Variants in DCT observed in about 807,000 individuals in gnomAD.
DCT encodes the protein dopachrome tautomerase.
In DCT, 47 loss-of-function variants were observed where a neutral mutation model predicts 53.0. That is an observed-to-expected ratio of 0.89 (90% CI 0.70 to 1.13). DCT has a LOEUF of 1.13. Among genes scored for constraint, DCT ranks in the 50% most tolerant of loss-of-function variants. DCT has a pLI of 0.00. For missense variants in DCT, 669 were observed against 637.4 expected (o/e 1.05, Z -0.53); for synonymous variants, 244 against 237.0 (o/e 1.03, Z -0.27).
the DCT span, among the ~76,000 whole-genome samples, chr13:94,519,591 G>A: frequency 1.3e-5 from 2 of 152,200 alleles, no homozygotes; most frequent in Admixed American, 1.3e-4. Context: ...GGTTTGCACT[G>A]CACAAGGAAA....
In DCT at chr13:94,438,630, T is replaced by C. The variant is rs1882061712; in HGVS notation, c.*1268A>G. ...TGCACAGAAACCAGATATGAGCAGA[T>C]GAAATTTGCCTGGAAATCTCAAGAG... On this transcript the variant is annotated 3_prime_UTR_variant, in exon 8 of 8. Coordinates refer to ENST00000377028, the MANE Select transcript of DCT (RefSeq NM_001922.5). 2.2e-6 allele frequency: 1 copy of C among 455,972 alleles called. No homozygotes were observed. Among genetic ancestry groups the C allele is most frequent in the Non-Finnish European group, 4.4e-6 (1 of 226,766 alleles). 28.2% of individuals were successfully genotyped at this position (455,972 alleles called of 1,614,324 possible). A position where few individuals can be genotyped will look rare whatever the true frequency, so the allele number is the denominator to read the frequency against.
At chr13:94,456,048 A>C (rs1421989254) in intron 6 of DCT, among the ~76,000 whole-genome samples, 1 of 152,192 alleles carries the variant, frequency 6.6e-6, no homozygotes, top group African/African-American at 2.4e-5. Flanking sequence ...AGCCAGAAAA[A>C]ATGATGTGAA....
At chr13:94,471,804 A>C (rs1313688045) in intron 1 of DCT, among the ~76,000 whole-genome samples, 5 of 152,222 alleles carry the variant, frequency 3.3e-5, no homozygotes, top group African/African-American at 1.2e-4. Context: ...ACTTCTCTGC[A>C]GTAGAAGAGT....
chr13:94,538,252 C>T, the DCT span, among the ~76,000 whole-genome samples: 1 of 152,160 alleles, frequency 6.6e-6, no homozygotes, highest in African/African-American at 2.4e-5. Context: ...AAGCACTCTT[C>T]ATGGATTATC....
At chr13:94,517,344 TG>T in the DCT span, among the ~76,000 whole-genome samples, 1 of 152,224 alleles carries the variant, frequency 6.6e-6, no homozygotes, top group African/African-American at 2.4e-5. Flanking sequence ...CTCATCTTCT[TG>T]ACTTCATCTC....
intron 1 of DCT, among the ~76,000 whole-genome samples, chr13:94,470,121 G>A (rs545864867): frequency 6.6e-6 from 1 of 152,064 alleles, no homozygotes; most frequent in Admixed American, 6.6e-5. Context: ...GAAAGAGAGA[G>A]AGAAAGAAAG....
chr13:94,536,010 C>T, the DCT span, among the ~76,000 whole-genome samples: 22 of 152,304 alleles, frequency 1.4e-4, no homozygotes, highest in African/African-American at 5.1e-4. Flanking sequence ...AATAGCCTAA[C>T]CCCTAATACC....
At chr13:94,536,611 T>C in the DCT span, among the ~76,000 whole-genome samples, 2 of 152,124 alleles carry the variant, frequency 1.3e-5, no homozygotes, top group African/African-American at 4.8e-5. Flanking sequence ...TCTCCCGCTA[T>C]GTGACACATC....
upstream of DCT, among the ~76,000 whole-genome samples, chr13:94,482,650 G>C (rs990518789): frequency 6.6e-6 from 1 of 152,192 alleles, no homozygotes; most frequent in African/African-American, 2.4e-5. Flanking sequence ...GGCAAATAGA[G>C]ACTACTTGAT....
Position 94,478,945 on chromosome 13 carries a change from G to A in DCT, c.295+16C>T, listed in dbSNP as rs767647386. 1.3e-6 allele frequency: 2 copies of A among 1,582,704 alleles called. No homozygotes were observed. Among genetic ancestry groups the A allele is most frequent in the Non-Finnish European group, 1.7e-6 (2 of 1,158,394 alleles). ...AGCTCTGGCCCTCCCCACCAAGCTTGGAGCATGGGCCTCACCTGTGCACTT... is the reference window on the plus strand; with the variant it reads ...AGCTCTGGCCCTCCCCACCAAGCTTAGAGCATGGGCCTCACCTGTGCACTT... On this transcript the variant is annotated intron_variant, in intron 1 of 7. Transcript: ENST00000377028.
chr13:94,442,963 CT>C (rs1882446987), intron 7 of DCT, among the ~76,000 whole-genome samples: 1 of 152,144 alleles, frequency 6.6e-6, no homozygotes, highest in Non-Finnish European at 1.5e-5. Flanking sequence ...TTCTGGCCTC[CT>C]CTTGAATTTT....
chr13:94,491,529 G>C, the DCT span, among the ~76,000 whole-genome samples: 2 of 152,136 alleles, frequency 1.3e-5, no homozygotes, highest in Non-Finnish European at 2.9e-5. Flanking sequence ...AATTTGAGAA[G>C]GACACAATTC....
chr13:94,495,943 T>C, the DCT span, among the ~76,000 whole-genome samples: 1 of 152,318 alleles, frequency 6.6e-6, no homozygotes, highest in South Asian at 2.1e-4. Context: ...GTCTGTTGCA[T>C]AGAAGTCTAT....
At chr13:94,502,633 C>A in the DCT span, among the ~76,000 whole-genome samples, 1 of 150,646 alleles carries the variant, frequency 6.6e-6, no homozygotes, top group Non-Finnish European at 1.5e-5. Context: ...AGCTTTCTGA[C>A]CCCCTCCTCT....
At chr13:94,443,230 G>A (rs969920387) in intron 7 of DCT, among the ~76,000 whole-genome samples, 3 of 149,726 alleles carry the variant, frequency 2.0e-5, no homozygotes, top group Non-Finnish European at 4.4e-5. Context: ...ACAAGAGTCA[G>A]CTCATTAGTC....
chr13:94,495,985 G>T, the DCT span, among the ~76,000 whole-genome samples: 2 of 152,092 alleles, frequency 1.3e-5, no homozygotes, highest in Admixed American at 1.3e-4. Flanking sequence ...GGAACAACGC[G>T]CCTCTGATCG....
At chr13:94,534,968 C>T in the DCT span, among the ~76,000 whole-genome samples, 2 of 152,180 alleles carry the variant, frequency 1.3e-5, no homozygotes, top group African/African-American at 4.8e-5. Context: ...GTCTCAAACT[C>T]CTGGGTTCAA....
chr13:94,452,450 G>C (rs1883158151), intron 6 of DCT, among the ~76,000 whole-genome samples: 1 of 152,198 alleles, frequency 6.6e-6, no homozygotes, highest in Non-Finnish European at 1.5e-5. Context: ...CATAATGAGA[G>C]GGAATGATGG....
the DCT span, among the ~76,000 whole-genome samples, chr13:94,544,066 T>G: frequency 2.6e-5 from 4 of 151,854 alleles, no homozygotes; most frequent in Admixed American, 6.6e-5. Context: ...TTTATGGATC[T>G]CATTAATGCA....
Sources: gnomAD v4.1 joint callset for allele counts (sites outside exome capture counted in the v4.1 genomes callset) on GRCh38, gnomAD v4.1.1 for gene constraint, MANE v1.5 for transcripts, NCBI Gene and HGNC (gene_info 2026-07-23, HGNC 2026-07-21) for gene names.